Variants in ATRNL1 observed in about 807,000 individuals in gnomAD.
ATRNL1 encodes attractin-like protein 1.
A neutral mutation model predicts 182.7 loss-of-function variants in ATRNL1; 95 were observed. The observed-to-expected ratio is 0.52, with a 90% CI of 0.44 to 0.62. The LOEUF is 0.62. ATRNL1 is among the 20% of genes least tolerant of loss of function. The pLI, the probability that ATRNL1 is intolerant of heterozygous loss-of-function variation, is 0.00. For synonymous variants in ATRNL1, 576 were observed against 568.3 expected, an observed-to-expected ratio of 1.01 and a Z score of -0.19; for missense variants, 1,471 against 1,679.5, an observed-to-expected ratio of 0.88 and a Z score of 2.17.
chr10:115,425,686 A>G (rs1042937498), intron 20 of ATRNL1, among the ~76,000 whole-genome samples: 1 of 152,052 alleles, frequency 6.6e-6, no homozygotes, highest in Non-Finnish European at 1.5e-5. Context: ...TTTAATCTAT[A>G]TTAGTCAATT....
chr10:115,662,675 A>G (rs1310288225), intron 26 of ATRNL1, among the ~76,000 whole-genome samples: 1 of 152,142 alleles, frequency 6.6e-6, no homozygotes, highest in Admixed American at 6.5e-5. Flanking sequence ...TCATAATAGA[A>G]TTTCAAAATA....
At chr10:115,575,565 T>C (rs969766869) in intron 26 of ATRNL1, among the ~76,000 whole-genome samples, 1 of 152,176 alleles carries the variant, frequency 6.6e-6, no homozygotes, top group African/African-American at 2.4e-5. Flanking sequence ...GTTTTCCAAG[T>C]GTTAGAAACC....
chr10:115,647,583 C>A (rs186000894), intron 26 of ATRNL1, among the ~76,000 whole-genome samples: 1 of 152,168 alleles, frequency 6.6e-6, no homozygotes, highest in Non-Finnish European at 1.5e-5. Context: ...TGTCTGTTGG[C>A]TGCCTAAATG....
chr10:115,497,662 T>A (rs1381124465), intron 24 of ATRNL1, among the ~76,000 whole-genome samples: 1 of 85,880 alleles, frequency 1.2e-5, no homozygotes, highest in Non-Finnish European at 3.0e-5. Flanking sequence ...TTACTCTTTT[T>A]TTTCTTTTTT....
chr10:115,626,150 A>C (rs1858083145), intron 26 of ATRNL1, among the ~76,000 whole-genome samples: 1 of 152,222 alleles, frequency 6.6e-6, no homozygotes, highest in African/African-American at 2.4e-5. Context: ...TATAACACAC[A>C]CACTCATATA....
intron 28 of ATRNL1, among the ~76,000 whole-genome samples, chr10:115,869,150 G>A (rs1411849722): frequency 6.6e-6 from 1 of 152,028 alleles, no homozygotes; most frequent in Non-Finnish European, 1.5e-5. Flanking sequence ...CTTTTAATTG[G>A]TGGCTTTTAT....
intron 26 of ATRNL1, among the ~76,000 whole-genome samples, chr10:115,566,558 CAGTTG>C (rs1854087594): frequency 6.6e-6 from 1 of 151,992 alleles, no homozygotes; most frequent in Non-Finnish European, 1.5e-5. Flanking sequence ...TATTTTAGGA[CAGTTG>C]AGTTGCTAAA....
chr10:115,672,882 A>G (rs1945743443), intron 26 of ATRNL1, among the ~76,000 whole-genome samples: 1 of 152,092 alleles, frequency 6.6e-6, no homozygotes. Flanking sequence ...ACTAATAACT[A>G]TTTCTTCAGT....
At chr10:115,505,954 AG>A (rs1554981205) in intron 24 of ATRNL1, among the ~76,000 whole-genome samples, 3 of 151,796 alleles carry the variant, frequency 2.0e-5, no homozygotes, top group African/African-American at 7.3e-5. Flanking sequence ...TCCTGGTGGA[AG>A]AAAAAAAAAA....
intron 27 of ATRNL1, among the ~76,000 whole-genome samples, chr10:115,778,730 T>A (rs1328417172): frequency 1.3e-5 from 2 of 152,160 alleles, no homozygotes; most frequent in African/African-American, 2.4e-5. Context: ...AATTATGACC[T>A]GAGGAATGAA....
At chr10:115,912,239 C>A (rs570634583) in intron 28 of ATRNL1, among the ~76,000 whole-genome samples, 1 of 152,156 alleles carries the variant, frequency 6.6e-6, no homozygotes. Context: ...TCACAGAAAT[C>A]AATTAAGGAA....
chr10:115,495,703 T>G (rs1053226301), intron 24 of ATRNL1, among the ~76,000 whole-genome samples: 2 of 48,330 alleles, frequency 4.1e-5, no homozygotes, highest in East Asian at 5.5e-4. Context: ...TGATTTCAGT[T>G]TTTTTTTTTT....
intron 17 of ATRNL1, among the ~76,000 whole-genome samples, chr10:115,305,107 C>T (rs954538101): frequency 1.3e-5 from 2 of 151,634 alleles, no homozygotes; most frequent in Admixed American, 6.6e-5. Context: ...CATGGTCACC[C>T]AGTTGATACT....
chr10:115,524,217 A>G (rs1851095177), intron 25 of ATRNL1, among the ~76,000 whole-genome samples: 1 of 152,186 alleles, frequency 6.6e-6, no homozygotes, highest in Admixed American at 6.6e-5. Flanking sequence ...CCTCCCATTA[A>G]GCCCCACCTC....
At chr10:115,582,371 AGT>A (rs1378048937) in intron 26 of ATRNL1, among the ~76,000 whole-genome samples, 2 of 140,238 alleles carry the variant, frequency 1.4e-5, no homozygotes, top group Non-Finnish European at 3.1e-5. Flanking sequence ...ACAGTGTAAA[AGT>A]GTTCCTATTT....
intron 8 of ATRNL1, among the ~76,000 whole-genome samples, chr10:115,206,643 C>G (rs921889871): frequency 2.0e-5 from 3 of 152,026 alleles, no homozygotes; most frequent in Non-Finnish European, 2.9e-5. Context: ...TTAACTTTCT[C>G]CTATTCTCTT....
chr10:115,620,216 A>G (rs891993755), intron 26 of ATRNL1, among the ~76,000 whole-genome samples: 13 of 152,138 alleles, frequency 8.5e-5, no homozygotes, highest in South Asian at 2.1e-4. Context: ...CATAGGTAAG[A>G]TGTGGGTGGG....
intron 24 of ATRNL1, among the ~76,000 whole-genome samples, chr10:115,509,803 A>G (rs1277126366): frequency 6.6e-6 from 1 of 152,042 alleles, no homozygotes; most frequent in Non-Finnish European, 1.5e-5. Context: ...TTTTATTAAA[A>G]TACATTTTGT....
intron 27 of ATRNL1, among the ~76,000 whole-genome samples, chr10:115,729,578 C>G (rs1294032288): frequency 6.7e-6 from 1 of 149,218 alleles, no homozygotes; most frequent in Non-Finnish European, 1.5e-5. Context: ...TTCCCAGCTT[C>G]TGTCCATAAA....
Sources: allele counts gnomAD v4.1 joint callset (sites outside exome capture counted in the v4.1 genomes callset), GRCh38; gene constraint gnomAD v4.1.1; transcripts MANE v1.5; gene names NCBI Gene and HGNC (gene_info 2026-07-23, HGNC 2026-07-21).